MB21D2: variants seen among roughly 807,000 people sequenced by gnomAD.
MB21D2 encodes nucleotidyltransferase MB21D2.
In MB21D2, 9 loss-of-function variants were observed where a neutral mutation model predicts 33.3. The observed-to-expected ratio is 0.27, with a 90% confidence interval of 0.16 to 0.47. MB21D2 has a LOEUF of 0.47. Among genes scored for constraint, MB21D2 ranks in the 20% least tolerant of loss-of-function variants. The pLI, the probability that MB21D2 is intolerant of heterozygous loss-of-function variation, is 0.99. For synonymous variants in MB21D2, 241 were observed against 236.3 expected (o/e 1.02, Z -0.18); for missense variants, 540 against 624.6 (o/e 0.86, Z 1.44).
intron 1 of MB21D2, among the ~76,000 whole-genome samples, chr3:192,914,302 A>C (rs967421523): frequency 6.6e-6 from 1 of 152,184 alleles, no homozygotes; most frequent in Non-Finnish European, 1.5e-5. Flanking sequence ...TGAGAAGATG[A>C]TTAGTAAATG....
At chr3:192,872,333 T>C (rs550055317) in intron 1 of MB21D2, among the ~76,000 whole-genome samples, 2 of 152,042 alleles carry the variant, frequency 1.3e-5, no homozygotes, top group East Asian at 3.9e-4. Flanking sequence ...TCCCAGCACT[T>C]TGGGAGGCCG....
chr3:192,889,119 A>G (rs898549180), intron 1 of MB21D2, among the ~76,000 whole-genome samples: 1 of 152,132 alleles, frequency 6.6e-6, no homozygotes, highest in Non-Finnish European at 1.5e-5. Context: ...GAAGAATTAA[A>G]ATCTATTTAT....
chr3:192,814,471 G>A (rs775208724), intron 1 of MB21D2, among the ~76,000 whole-genome samples: 24 of 152,144 alleles, frequency 1.6e-4, no homozygotes, highest in Non-Finnish European at 3.4e-4. Context: ...ACCAGCCAAA[G>A]CCCTCTGCAG....
At chr3:192,842,990 A>G (rs1332869608) in intron 1 of MB21D2, among the ~76,000 whole-genome samples, 2 of 152,244 alleles carry the variant, frequency 1.3e-5, no homozygotes, top group Non-Finnish European at 2.9e-5. Flanking sequence ...GGGTGAAAAG[A>G]GCACATGTGG....
Position 192,845,233 on chromosome 3 carries a change from C to T in MB21D2, c.212-45583G>A, listed in dbSNP as rs564467821. Among the ~76,000 whole-genome samples the T allele has an allele frequency of 2.0e-5, 3 of 152,312 alleles. No homozygotes were observed. In the South Asian group the frequency reaches 6.2e-4, roughly 32 times the overall value. ...GACATAAATTACTGAGTAAGGTTTT[C>T]TTTCCCTTTATAATTAAGAGCCAGG... On this transcript the variant is annotated intron_variant, in intron 1 of 1. Coordinates refer to ENST00000392452, the MANE Select transcript of MB21D2 (RefSeq NM_178496.4).
chr3:192,817,031 A>T (rs1017399774), intron 1 of MB21D2, among the ~76,000 whole-genome samples: 30 of 152,364 alleles, frequency 2.0e-4, no homozygotes, highest in Admixed American at 1.6e-3. Flanking sequence ...ACACTTCTGT[A>T]GGTTAATGAA....
At position 192,813,362 on chromosome 3, in the gene MB21D2, C is replaced by T. The variant is rs116507339; in HGVS notation, c.212-13712G>A. On this transcript the variant is annotated intron_variant, in intron 1 of 1. Coordinates refer to ENST00000392452, the MANE Select transcript of MB21D2 (RefSeq NM_178496.4). ...TTCCAGGAATAAAAGAAAAAGAAGT[C>T]AGAGGAAACAGTCTTTGATGTTATG... 2.5e-3 allele frequency among the ~76,000 whole-genome samples: 377 copies of T among 150,104 alleles called. 1 individual carries two copies. The highest frequency in any genetic ancestry group is 0.01 in the Middle Eastern group (3 of 290).
intron 1 of MB21D2, among the ~76,000 whole-genome samples, chr3:192,881,524 T>C (rs540253967): frequency 2.0e-5 from 3 of 152,290 alleles, no homozygotes; most frequent in South Asian, 2.1e-4. Context: ...CGTATAGCTT[T>C]GCTGTAAGAA....
chr3:192,899,285 T>C (rs1714043333), intron 1 of MB21D2, among the ~76,000 whole-genome samples: 1 of 152,066 alleles, frequency 6.6e-6, no homozygotes, highest in African/African-American at 2.4e-5. Flanking sequence ...TCCCAGCACT[T>C]TGGGAAGCTG....
intron 1 of MB21D2, among the ~76,000 whole-genome samples, chr3:192,903,728 TG>T (rs2108652782): frequency 6.6e-6 from 1 of 152,324 alleles, no homozygotes; most frequent in African/African-American, 2.4e-5. Context: ...GTCTGGATCA[TG>T]GGGCAGATCC....
intron 1 of MB21D2, among the ~76,000 whole-genome samples, chr3:192,803,200 A>G (rs527858649): frequency 6.6e-6 from 1 of 152,242 alleles, no homozygotes; most frequent in South Asian, 2.1e-4. Flanking sequence ...ACTTGTCAAT[A>G]TACACACTAG....
chr3:192,802,727 TCA>T (rs1711584580), intron 1 of MB21D2, among the ~76,000 whole-genome samples: 1 of 152,218 alleles, frequency 6.6e-6, no homozygotes, highest in East Asian at 1.9e-4. Context: ...TTTTATGAAC[TCA>T]CATGTTGGAA....
chr3:192,916,032 A>G (rs1714455554), intron 1 of MB21D2, among the ~76,000 whole-genome samples: 1 of 150,122 alleles, frequency 6.7e-6, no homozygotes, highest in Admixed American at 6.7e-5. Flanking sequence ...CCTGACAATC[A>G]CTGTGTTGGC....
At chr3:192,815,918 G>A (rs1014352084) in intron 1 of MB21D2, among the ~76,000 whole-genome samples, 3 of 152,184 alleles carry the variant, frequency 2.0e-5, no homozygotes, top group African/African-American at 4.8e-5. Flanking sequence ...GACAATTGGC[G>A]CCCATACCAC....
chr3:192,817,990 T>C (rs539892983), intron 1 of MB21D2, among the ~76,000 whole-genome samples: 1 of 147,936 alleles, frequency 6.8e-6, no homozygotes, highest in Non-Finnish European at 1.5e-5. Context: ...CCCAAATATG[T>C]CCAGTGTTTT....
chr3:192,856,991 G>A (rs1712931616), intron 1 of MB21D2, among the ~76,000 whole-genome samples: 1 of 152,014 alleles, frequency 6.6e-6, no homozygotes, highest in South Asian at 2.1e-4. Flanking sequence ...ATAAGCAAAG[G>A]AAAAAATGAT....
intron 1 of MB21D2, among the ~76,000 whole-genome samples, chr3:192,893,918 C>T (rs1461634399): frequency 2.0e-5 from 3 of 152,098 alleles, no homozygotes; most frequent in Admixed American, 2.0e-4. Context: ...TGCCTATAGT[C>T]CCAGCTACTG....
intron 1 of MB21D2, among the ~76,000 whole-genome samples, chr3:192,829,820 A>G (rs764996859): frequency 1.4e-4 from 22 of 152,158 alleles, no homozygotes; most frequent in Non-Finnish European, 2.8e-4. Context: ...TCAACCTCCC[A>G]GGCTCAAGTG....
At chr3:192,801,779 C>G (rs528842249) in intron 1 of MB21D2, among the ~76,000 whole-genome samples, 4 of 152,312 alleles carry the variant, frequency 2.6e-5, no homozygotes, top group Middle Eastern at 3.4e-3. Context: ...TTTGACATAA[C>G]AGCCTGAATG....
Sources: gnomAD v4.1 joint callset for allele counts (sites outside exome capture counted in the v4.1 genomes callset) on GRCh38, gnomAD v4.1.1 for gene constraint, MANE v1.5 for transcripts, NCBI Gene and HGNC (gene_info 2026-07-23, HGNC 2026-07-21) for gene names.